CCDC148: variants seen among roughly 807,000 people sequenced by gnomAD.
CCDC148 encodes coiled-coil domain containing 148.
Under a neutral mutation model 85.7 loss-of-function variants are expected in CCDC148, and 89 were observed. The observed-to-expected ratio is 1.04, with a 90% CI of 0.87 to 1.24. The LOEUF (loss-of-function observed/expected upper bound fraction) is 1.24. Ranked by LOEUF, CCDC148 falls within the 50% of genes most tolerant of loss-of-function variation. The probability of loss-of-function intolerance (pLI) is 0.00; values close to 1 mark genes in which losing one functional copy is unlikely to be tolerated. For missense variants in CCDC148, 692 were observed against 671.7 expected, an observed-to-expected ratio of 1.03 and a Z score of -0.33; for synonymous variants, 230 against 213.9, an observed-to-expected ratio of 1.08 and a Z score of -0.66.
At chr2:158,317,505 A>G (rs1692335717) in intron 7 of CCDC148, among the ~76,000 whole-genome samples, 1 of 152,212 alleles carries the variant, frequency 6.6e-6, no homozygotes. Flanking sequence ...GATAATTCAG[A>G]AAACAACAAC....
chr2:158,449,996 T>TG (rs201108354), intron 1 of CCDC148, among the ~76,000 whole-genome samples: 17,478 of 151,828 alleles, frequency 0.12, 1,350 homozygotes, highest in Non-Finnish European at 0.15. Context: ...CTTCATTTTT[T>TG]TTTTTTTGTA....
At chr2:158,357,148 G>T (rs1683695192) in intron 2 of CCDC148, among the ~76,000 whole-genome samples, 1 of 151,106 alleles carries the variant, frequency 6.6e-6, no homozygotes, top group Admixed American at 6.6e-5. Flanking sequence ...GTTAGTGGGT[G>T]CAGTGCACCA....
intron 1 of CCDC148, among the ~76,000 whole-genome samples, chr2:158,371,828 A>G (rs1302851275): frequency 6.6e-6 from 1 of 152,038 alleles, no homozygotes; most frequent in Non-Finnish European, 1.5e-5. Flanking sequence ...CAGAAAAATA[A>G]AATCTATCAA....
At chr2:158,260,047 T>C (rs905042191) in intron 9 of CCDC148, among the ~76,000 whole-genome samples, 3 of 151,988 alleles carry the variant, frequency 2.0e-5, no homozygotes, top group African/African-American at 7.2e-5. Flanking sequence ...TTTGCCACTA[T>C]ATAAATTGTT....
At chr2:158,365,941 C>G in intron 1 of CCDC148, 2 of 1,090,508 alleles carry the variant, frequency 1.8e-6, no homozygotes, top group Non-Finnish European at 2.6e-6. Flanking sequence ...AATCAACATT[C>G]CAATTGTGTA....
At chr2:158,393,225 T>A (rs1209758904) in intron 1 of CCDC148, 2 of 152,084 alleles carry the variant, frequency 1.3e-5, no homozygotes, top group Admixed American at 1.3e-4. Context: ...TAGAAAAGCT[T>A]ACCATATTGC....
intron 2 of CCDC148, among the ~76,000 whole-genome samples, chr2:158,356,393 AAAC>A (rs1683636521): frequency 7.0e-6 from 1 of 142,058 alleles, no homozygotes; most frequent in Non-Finnish European, 1.6e-5. Context: ...AGAAAAAAAC[AAAC>A]AACCCCATCA....
At chr2:158,412,228 A>G (rs940787171) in intron 1 of CCDC148, among the ~76,000 whole-genome samples, 1 of 152,112 alleles carries the variant, frequency 6.6e-6, no homozygotes. Context: ...AACACAGGTA[A>G]AATGTTTCTG....
chr2:158,249,744 T>C (rs1252784786), intron 10 of CCDC148, among the ~76,000 whole-genome samples: 1 of 152,118 alleles, frequency 6.6e-6, no homozygotes, highest in African/African-American at 2.4e-5. Flanking sequence ...CCTTTACCTC[T>C]ACATATTCAA....
chr2:158,446,424 C>T (rs936144403), intron 1 of CCDC148, among the ~76,000 whole-genome samples: 3 of 151,238 alleles, frequency 2.0e-5, no homozygotes, highest in African/African-American at 4.9e-5. Flanking sequence ...TAGTAAATTT[C>T]TGGCTTCTCT....
intron 9 of CCDC148, among the ~76,000 whole-genome samples, chr2:158,294,035 TCC>T (rs1691044657): frequency 1.0e-5 from 1 of 100,478 alleles, no homozygotes; most frequent in Non-Finnish European, 1.9e-5. Context: ...CTTCCTTCCT[TCC>T]TTCCTTCCTT....
chr2:158,422,173 G>A (rs187402619), intron 1 of CCDC148, among the ~76,000 whole-genome samples: 14 of 152,130 alleles, frequency 9.2e-5, no homozygotes, highest in Admixed American at 2.6e-4. Flanking sequence ...GGAGGAGCTG[G>A]TACCATTCCT....
At chr2:158,234,565 G>A (rs1274963430) in intron 10 of CCDC148, among the ~76,000 whole-genome samples, 3 of 152,034 alleles carry the variant, frequency 2.0e-5, no homozygotes, top group Admixed American at 1.3e-4. Flanking sequence ...GAATTAACAG[G>A]CAGGAATCTA....
At chr2:158,336,443 G>A (rs1488940332) in intron 7 of CCDC148, among the ~76,000 whole-genome samples, 2 of 151,976 alleles carry the variant, frequency 1.3e-5, no homozygotes, top group African/African-American at 4.8e-5. Context: ...TTTGGTTAGG[G>A]TACATGTATA....
chr2:158,264,348 G>A (rs1574503442), intron 9 of CCDC148, among the ~76,000 whole-genome samples: 2 of 151,988 alleles, frequency 1.3e-5, no homozygotes, highest in South Asian at 2.1e-4. Context: ...CTATACAGGA[G>A]ACCAAGAATG....
intron 1 of CCDC148, among the ~76,000 whole-genome samples, chr2:158,440,850 C>G (rs1326811139): frequency 6.6e-6 from 1 of 152,058 alleles, no homozygotes; most frequent in Non-Finnish European, 1.5e-5. Context: ...CCAGACTGTT[C>G]ATGTATTTTT....
At chr2:158,190,741 A>G (rs1422246641) in intron 11 of CCDC148, among the ~76,000 whole-genome samples, 1 of 152,058 alleles carries the variant, frequency 6.6e-6, no homozygotes, top group Non-Finnish European at 1.5e-5. Context: ...ATAACATTGG[A>G]ACCTTTCTTT....
intron 1 of CCDC148, among the ~76,000 whole-genome samples, chr2:158,453,414 C>T (rs1269303018): frequency 6.6e-6 from 1 of 152,176 alleles, no homozygotes; most frequent in Admixed American, 6.5e-5. Context: ...CTGAAACCAC[C>T]AGAGCCACCT....
chr2:158,429,504 G>C (rs572814312), intron 1 of CCDC148, among the ~76,000 whole-genome samples: 1 of 152,174 alleles, frequency 6.6e-6, no homozygotes, highest in East Asian at 1.9e-4. Context: ...AAGAGAGAAA[G>C]GAGAAAAATC....
Sources: allele counts gnomAD v4.1 joint callset (sites outside exome capture counted in the v4.1 genomes callset), GRCh38; gene constraint gnomAD v4.1.1; transcripts MANE v1.5; gene names NCBI Gene and HGNC (gene_info 2026-07-23, HGNC 2026-07-21).